ZNF804B: variants seen among roughly 807,000 people sequenced by gnomAD.
ZNF804B encodes zinc finger protein 804B.
ZNF804B carries 80 observed loss-of-function variants against 101.4 expected under a neutral mutation model. That is an observed-to-expected ratio of 0.79 (90% CI 0.66 to 0.95). ZNF804B has a LOEUF of 0.95. Ranked by LOEUF, ZNF804B falls within the 40% of genes least tolerant of loss-of-function variation. The pLI, the probability that ZNF804B is intolerant of heterozygous loss-of-function variation, is 0.00. For synonymous variants in ZNF804B, 622 were observed against 558.8 expected, an observed-to-expected ratio of 1.11 and a Z score of -1.59; for missense variants, 1,673 against 1,561.9, an observed-to-expected ratio of 1.07 and a Z score of -1.20.
At chr7:88,893,983 AAAT>A (rs1437190778) in intron 1 of ZNF804B, among the ~76,000 whole-genome samples, 3 of 152,220 alleles carry the variant, frequency 2.0e-5, no homozygotes, top group East Asian at 3.9e-4. Context: ...TATCTGAAAT[AAAT>A]AATACCACCC....
intron 2 of ZNF804B, among the ~76,000 whole-genome samples, chr7:89,299,652 A>G (rs1441869581): frequency 6.6e-6 from 1 of 152,028 alleles, no homozygotes; most frequent in Non-Finnish European, 1.5e-5. Flanking sequence ...GGGAATATCT[A>G]GTTTTCTTTG....
intron 1 of ZNF804B, among the ~76,000 whole-genome samples, chr7:89,082,152 A>C (rs1231321220): frequency 6.6e-6 from 1 of 151,780 alleles, no homozygotes; most frequent in African/African-American, 2.4e-5. Context: ...CTTCCTACAG[A>C]TTATTAATAA....
chr7:89,312,603 T>C (rs1490329256), intron 2 of ZNF804B, among the ~76,000 whole-genome samples: 1 of 152,150 alleles, frequency 6.6e-6, no homozygotes, highest in Admixed American at 6.6e-5. Context: ...TCATCCTGGT[T>C]AGTAGCCCAA....
At chr7:88,925,304 T>C (rs1368041441) in intron 1 of ZNF804B, among the ~76,000 whole-genome samples, 1 of 152,158 alleles carries the variant, frequency 6.6e-6, no homozygotes, top group East Asian at 1.9e-4. Context: ...TCCTACCTGT[T>C]GTAGGCAGAA....
intron 2 of ZNF804B, among the ~76,000 whole-genome samples, chr7:89,323,795 T>G (rs539557835): frequency 6.6e-6 from 1 of 152,110 alleles, no homozygotes; most frequent in East Asian, 1.9e-4. Flanking sequence ...TTCTGAAATA[T>G]GTATGCCATG....
intron 1 of ZNF804B, among the ~76,000 whole-genome samples, chr7:88,875,445 C>G (rs1370818537): frequency 6.6e-6 from 1 of 152,050 alleles, no homozygotes; most frequent in Non-Finnish European, 1.5e-5. Context: ...AGAGAAGAAT[C>G]AAATAGACGC....
intron 1 of ZNF804B, among the ~76,000 whole-genome samples, chr7:89,078,605 T>TA (rs527711665): frequency 2.9e-4 from 44 of 149,968 alleles, no homozygotes; most frequent in African/African-American, 7.1e-4. Flanking sequence ...TAGGGCAATA[T>TA]AAAAAAAACA....
chr7:89,027,492 T>G (rs1788767861), intron 1 of ZNF804B, among the ~76,000 whole-genome samples: 1 of 152,202 alleles, frequency 6.6e-6, no homozygotes, highest in Non-Finnish European at 1.5e-5. Context: ...TCAGCCCTTC[T>G]TTCCACCCTA....
rs189235999 is a variant in ZNF804B at position 88,964,939 on chromosome 7, T to C, written c.108+204855T>C. On this transcript the variant is annotated intron_variant, in intron 1 of 3. Transcript: ENST00000333190. The stretch of plus-strand genomic sequence containing the variant: ...CTATGATTTCCCTAAGTATATATTG[T>C]AGTTCAGAGAGAAATTTTGGGCAAA... 2.0e-4 allele frequency among the ~76,000 whole-genome samples: 31 copies of C among 151,548 alleles called. No individual in the cohort carries two copies. The East Asian group carries it at 6.1e-3, about 30-fold the overall frequency.
rs1367095083 is a variant in ZNF804B, at chr7:88,759,968, C to G, written c.-9C>G. On this transcript the variant is annotated 5_prime_UTR_variant, in exon 1 of 4. Transcript: ENST00000333190. ...GGAGTTGAGACTCTGCGCCTCCGCC[C>G]GGACCCACATGGCTTGTTACCTGGT... is the stretch of plus-strand genomic sequence containing the variant. 1 of 1,613,454 alleles carries G rather than the reference C, an allele frequency of 6.2e-7. No individual in the cohort carries two copies. Among genetic ancestry groups the G allele is most frequent in the Admixed American group, 1.7e-5 (1 of 60,008 alleles).
intron 1 of ZNF804B, among the ~76,000 whole-genome samples, chr7:88,971,703 G>A (rs773029867): frequency 2.6e-5 from 4 of 151,534 alleles, no homozygotes; most frequent in Non-Finnish European, 5.9e-5. Context: ...ATTTGTGCCT[G>A]CCTTATCCAC....
chr7:89,277,798 C>G (rs900278428), intron 2 of ZNF804B, among the ~76,000 whole-genome samples: 1 of 151,588 alleles, frequency 6.6e-6, no homozygotes, highest in Non-Finnish European at 1.5e-5. Flanking sequence ...TTAATAGTGC[C>G]GAAATAAACA....
intron 1 of ZNF804B, among the ~76,000 whole-genome samples, chr7:88,918,530 T>A (rs1049537729): frequency 6.6e-6 from 1 of 152,148 alleles, no homozygotes; most frequent in Non-Finnish European, 1.5e-5. Flanking sequence ...AATGTTTACA[T>A]CACAATAAAG....
At chr7:88,929,409 T>G (rs1441509949) in intron 1 of ZNF804B, among the ~76,000 whole-genome samples, 7 of 151,978 alleles carry the variant, frequency 4.6e-5, no homozygotes, top group African/African-American at 1.7e-4. Context: ...CAGTACAATT[T>G]GTTAATTAAT....
In ZNF804B at chr7:89,108,223, C is replaced by CTT. The variant is rs68099837; in HGVS notation, c.109-109921_109-109920dup. ...AGTTATGAAGTTATATAATTAGCTG[C>CTT]TTTTTTTTTTTTCTTTTCTTCCACC... On this transcript the variant is annotated intron_variant, in intron 1 of 3. Coordinates refer to ENST00000333190, the MANE Select transcript of ZNF804B (RefSeq NM_181646.5). Among the ~76,000 whole-genome samples the CTT allele has an allele frequency of 7.7e-3, 1,078 of 140,344 alleles. 11 individuals carry two copies. Among genetic ancestry groups the CTT allele is most frequent in the African/African-American group, 0.026 (970 of 37,302 alleles). The allele number at this position is 140,344 out of a possible 152,430, so 92.1% of individuals were successfully genotyped here. A position where few individuals can be genotyped will look rare whatever the true frequency, so the allele number is the denominator to read the frequency against.
At chr7:88,866,232 A>G (rs1033160005) in intron 1 of ZNF804B, among the ~76,000 whole-genome samples, 2 of 152,234 alleles carry the variant, frequency 1.3e-5, no homozygotes, top group African/African-American at 2.4e-5. Flanking sequence ...TTATGAAAAT[A>G]TGTTAAAGTG....
rs541769555 is a variant in ZNF804B, at chr7:88,974,484, A to AAC, written c.108+214401_108+214402insCA. 1.9e-3 allele frequency among the ~76,000 whole-genome samples: 286 copies of AAC among 151,284 alleles called. 2 individuals are homozygous for AAC. Among genetic ancestry groups the AAC allele is most frequent in the African/African-American group, 6.7e-3 (276 of 41,458 alleles). ...TTAAAACATCATGTGGTACATGATA[A>AAC]ATATATATAATTTTATCTGGCCCTT... On this transcript the variant is annotated intron_variant, in intron 1 of 3. Coordinates refer to ENST00000333190, the MANE Select transcript of ZNF804B (RefSeq NM_181646.5).
intron 1 of ZNF804B, among the ~76,000 whole-genome samples, chr7:88,988,571 C>T (rs1217401141): frequency 6.6e-6 from 1 of 151,572 alleles, no homozygotes; most frequent in East Asian, 2.0e-4. Context: ...TGTAGATGGT[C>T]TGCAACTGCT....
intron 1 of ZNF804B, among the ~76,000 whole-genome samples, chr7:88,774,290 C>G (rs1029323762): frequency 9.3e-5 from 14 of 150,468 alleles, no homozygotes; most frequent in Admixed American, 6.6e-5. Flanking sequence ...CCTGTTAATC[C>G]TCTTAGTTTG....
Sources: gnomAD v4.1 joint callset for allele counts (sites outside exome capture counted in the v4.1 genomes callset) on GRCh38, gnomAD v4.1.1 for gene constraint, MANE v1.5 for transcripts, NCBI Gene and HGNC (gene_info 2026-07-23, HGNC 2026-07-21) for gene names.